The following ZNF618 variants were observed in gnomAD, a reference collection of about 807,000 sequenced individuals.
ZNF618 encodes zinc finger protein 618.
A neutral mutation model predicts 103.0 loss-of-function variants in ZNF618; 34 were observed. The observed-to-expected ratio is 0.33, with a 90% CI of 0.25 to 0.44. The LOEUF (loss-of-function observed/expected upper bound fraction) is 0.44, where lower values mean the gene tolerates loss of function less well. ZNF618 is among the 20% of genes least tolerant of loss of function. ZNF618 has a pLI of 1.00. For missense variants in ZNF618, 1,059 were observed against 1,295.4 expected (o/e 0.82, Z 2.80); for synonymous variants, 551 against 542.2 (o/e 1.02, Z -0.23).
intron 1 of ZNF618, among the ~76,000 whole-genome samples, chr9:113,950,803 C>G (rs1413525323): frequency 6.6e-6 from 1 of 151,946 alleles, no homozygotes; most frequent in South Asian, 2.1e-4. Context: ...TGGGGACATT[C>G]GAGAGGTTCC....
At chr9:113,903,832 A>T (rs1273275500) in intron 1 of ZNF618, among the ~76,000 whole-genome samples, 2 of 151,480 alleles carry the variant, frequency 1.3e-5, no homozygotes, top group African/African-American at 2.4e-5. Flanking sequence ...TGTCTTCAAA[A>T]TTTTTTTCTT....
chr9:113,972,553 G>T (rs1411329340), intron 2 of ZNF618, among the ~76,000 whole-genome samples: 1 of 152,206 alleles, frequency 6.6e-6, no homozygotes, highest in South Asian at 2.1e-4. Context: ...CTGCTTCTTG[G>T]TGGGAAGGGA....
intron 1 of ZNF618, among the ~76,000 whole-genome samples, chr9:113,908,200 G>A (rs1190748939): frequency 4.1e-4 from 60 of 146,032 alleles, no homozygotes; most frequent in Non-Finnish European, 1.5e-5. Context: ...TCACTTGTTC[G>A]TAAGTTAAGA....
At position 114,052,897 on chromosome 9, in the gene ZNF618, G is replaced by A. The variant is rs1157703262; in HGVS notation, c.*2730G>A. ...CCTCCAGGAAGAGATTTGATCTTAG[G>A]TTGTTACCTCCCTTTCACTTCTTTT... On this transcript the variant is annotated 3_prime_UTR_variant, in exon 15 of 15. Transcript: ENST00000374126. 3.9e-5 allele frequency: 6 copies of A among 152,226 alleles called. No homozygotes were observed. The highest frequency in any genetic ancestry group is 8.8e-5 in the Non-Finnish European group (6 of 68,052). The allele number at this position is 152,226 out of a possible 1,614,324, so 9.4% of individuals were successfully genotyped here.
Position 113,914,287 on chromosome 9 carries a change from G to A in ZNF618, c.33+37874G>A, listed in dbSNP as rs1347826432. ...TTTCCTTAAACCAAAGTCCATGTTT[G>A]TTCCAGGATCCCAGAGGCCTGCCAA... On this transcript the variant is annotated intron_variant, in intron 1 of 14. Transcript: ENST00000374126. Among the ~76,000 whole-genome samples, 5 of 152,144 alleles carry A rather than the reference G, an allele frequency of 3.3e-5. No individual in the cohort carries two copies. The East Asian group carries it at 9.6e-4, about 29-fold the overall frequency.
At chr9:113,895,461 A>G (rs2131115825) in intron 1 of ZNF618, among the ~76,000 whole-genome samples, 2 of 152,118 alleles carry the variant, frequency 1.3e-5, no homozygotes. Flanking sequence ...TCCAATTTGC[A>G]GCGTTTTGTG....
chr9:113,888,877 G>A (rs1005249949), intron 1 of ZNF618, among the ~76,000 whole-genome samples: 3 of 152,202 alleles, frequency 2.0e-5, no homozygotes, highest in Non-Finnish European at 2.9e-5. Flanking sequence ...GCTGAGGTAA[G>A]AGAGGCTTGG....
At chr9:113,889,559 G>A (rs932661973) in intron 1 of ZNF618, among the ~76,000 whole-genome samples, 3 of 152,192 alleles carry the variant, frequency 2.0e-5, no homozygotes, top group Non-Finnish European at 4.4e-5. Flanking sequence ...AAAGGTGTGC[G>A]CCATTCAGAG....
chr9:113,938,168 T>C (rs2131992468), intron 1 of ZNF618, among the ~76,000 whole-genome samples: 1 of 140,952 alleles, frequency 7.1e-6, no homozygotes, highest in African/African-American at 2.6e-5. Context: ...GGCTCCTGTT[T>C]TTTTTTTTTT....
intron 1 of ZNF618, among the ~76,000 whole-genome samples, chr9:113,933,748 G>A (rs897389858): frequency 2.6e-5 from 4 of 152,110 alleles, no homozygotes; most frequent in Non-Finnish European, 2.9e-5. Flanking sequence ...TTTTGCCAGA[G>A]AATAAAAGGA....
intron 1 of ZNF618, among the ~76,000 whole-genome samples, chr9:113,939,788 C>A (rs1172514015): frequency 6.6e-6 from 1 of 152,008 alleles, no homozygotes; most frequent in East Asian, 1.9e-4. Context: ...CTCCTTCCCT[C>A]CCTCTGATTC....
At chr9:114,048,102 T>G in intron 14 of ZNF618, 108 bp downstream of exon 14, 2 of 964,764 alleles carry the variant, frequency 2.1e-6, no homozygotes, top group South Asian at 1.6e-5. Context: ...TGTAAGATGA[T>G]GCATGATAGT....
intron 3 of ZNF618, among the ~76,000 whole-genome samples, chr9:113,995,142 C>T (rs1840445997): frequency 6.6e-6 from 1 of 151,984 alleles, no homozygotes; most frequent in South Asian, 2.1e-4. Context: ...AGGGTTTTAT[C>T]CTAATGTAAA....
At chr9:114,036,178 G>A (rs1432868920) in intron 12 of ZNF618, 122 bp from the exon 13 acceptor site, 4 of 841,510 alleles carry the variant, frequency 4.8e-6, no homozygotes, top group East Asian at 2.7e-5. Flanking sequence ...GCTGGGCCCG[G>A]AGCCCTGAGC....
intron 9 of ZNF618, 146 bp downstream of exon 9, chr9:114,008,700 A>G: frequency 1.0e-6 from 1 of 956,622 alleles, no homozygotes; most frequent in Non-Finnish European, 1.6e-6. Context: ...TGGGCCAGTC[A>G]GTGTTAGGAC....
intron 6 of ZNF618, among the ~76,000 whole-genome samples, chr9:114,006,289 G>T (rs1255083041): frequency 6.6e-6 from 1 of 152,208 alleles, no homozygotes; most frequent in African/African-American, 2.4e-5. Context: ...AGGGCCACAT[G>T]CCCTGACTCA....
At chr9:113,927,190 T>C (rs1468373852) in intron 1 of ZNF618, among the ~76,000 whole-genome samples, 1 of 152,210 alleles carries the variant, frequency 6.6e-6, no homozygotes, top group Non-Finnish European at 1.5e-5. Flanking sequence ...AGCATTTTAA[T>C]GTGAGGTTTA....
At chr9:114,035,698 C>A (rs1844527740) in intron 12 of ZNF618, among the ~76,000 whole-genome samples, 1 of 151,866 alleles carries the variant, frequency 6.6e-6, no homozygotes, top group Non-Finnish European at 1.5e-5. Context: ...TGATCCAGGC[C>A]CCTGCACCCC....
At chr9:113,958,831 T>G (rs1161139323) in intron 1 of ZNF618, among the ~76,000 whole-genome samples, 2 of 152,194 alleles carry the variant, frequency 1.3e-5, no homozygotes, top group Non-Finnish European at 2.9e-5. Context: ...TACCCCCAAC[T>G]GGTCTTGGTG....
Sources: allele counts gnomAD v4.1 joint callset (sites outside exome capture counted in the v4.1 genomes callset), GRCh38; gene constraint gnomAD v4.1.1; transcripts MANE v1.5; gene names NCBI Gene and HGNC (gene_info 2026-07-23, HGNC 2026-07-21).